The following CPAP variants were observed in gnomAD, a reference collection of about 807,000 sequenced individuals.
CPAP encodes centrosome assembly and centriole elongation protein, also known as centrosomal P4.1-associated protein.
the CPAP span, among the ~76,000 whole-genome samples, chr13:24,890,878 C>G: frequency 6.6e-6 from 1 of 152,156 alleles, no homozygotes; most frequent in Non-Finnish European, 1.5e-5. Context: ...TATGGTGCTT[C>G]TGCAATTCTT....
chr13:24,923,735 C>T, the CPAP span, among the ~76,000 whole-genome samples: 3 of 152,188 alleles, frequency 2.0e-5, no homozygotes, highest in African/African-American at 7.2e-5. Context: ...AAATTTGGTC[C>T]TCCAAAATTT....
At chr13:24,909,768 G>A in the CPAP span, 36 of 1,599,974 alleles carry the variant, frequency 2.3e-5, no homozygotes, top group African/African-American at 3.3e-4. Flanking sequence ...AAGCACAGAA[G>A]AGAGAAACAT....
the CPAP span, among the ~76,000 whole-genome samples, chr13:24,911,740 T>G: frequency 1.3e-5 from 2 of 151,636 alleles, no homozygotes; most frequent in East Asian, 3.9e-4. Context: ...CATCAATGCC[T>G]TAAAGCAGGG....
chr13:24,899,411 T>C, the CPAP span: 6 of 1,605,074 alleles, frequency 3.7e-6, no homozygotes, highest in African/African-American at 6.7e-5. Flanking sequence ...CATAAAGAAC[T>C]AGCATACCTG....
the CPAP span, among the ~76,000 whole-genome samples, chr13:24,910,263 G>A: frequency 6.6e-5 from 10 of 152,134 alleles, no homozygotes; most frequent in Admixed American, 3.9e-4. Context: ...TCGCTCTGTC[G>A]CCAAGGCTGA....
At chr13:24,909,852 T>C in the CPAP span, 19 of 1,613,948 alleles carry the variant, frequency 1.2e-5, no homozygotes, top group Admixed American at 3.3e-5. Flanking sequence ...TTCTTGATAC[T>C]GTGCCTCAGA....
chr13:24,889,733 T>G, the CPAP span, among the ~76,000 whole-genome samples: 1 of 152,100 alleles, frequency 6.6e-6, no homozygotes, highest in African/African-American at 2.4e-5. Context: ...AAGCCTCTCC[T>G]GGGTGCTCCC....
the CPAP span, chr13:24,906,747 G>A: frequency 3.7e-6 from 6 of 1,614,020 alleles, no homozygotes; most frequent in South Asian, 5.5e-5. Context: ...TCTGCACACA[G>A]CTCTTTATTT....
chr13:24,902,058 A>G, the CPAP span, among the ~76,000 whole-genome samples: 1 of 152,174 alleles, frequency 6.6e-6, no homozygotes, highest in African/African-American at 2.4e-5. Flanking sequence ...GCTCTACTGA[A>G]CCACACTGCC....
At chr13:24,883,364 C>T in the CPAP span, 4 of 1,597,296 alleles carry the variant, frequency 2.5e-6, no homozygotes, top group Non-Finnish European at 3.4e-6. Context: ...GAGTTTGTTG[C>T]CATCACTGTA....
At chr13:24,899,448 GA>G in the CPAP span, 1 of 1,613,574 alleles carries the variant, frequency 6.2e-7, no homozygotes. Context: ...TTTTTATCTG[GA>G]AAAGTTCTTG....
At chr13:24,920,166 T>C in the CPAP span, among the ~76,000 whole-genome samples, 4 of 152,230 alleles carry the variant, frequency 2.6e-5, no homozygotes, top group Non-Finnish European at 4.4e-5. Context: ...GCTGTTTCCC[T>C]CGCTGATTCA....
the CPAP span, chr13:24,903,896 T>A: frequency 1.9e-6 from 3 of 1,611,322 alleles, no homozygotes; most frequent in South Asian, 3.3e-5. Context: ...TCACTGCATA[T>A]TTTTTCCCAA....
the CPAP span, among the ~76,000 whole-genome samples, chr13:24,919,750 A>G: frequency 6.6e-6 from 1 of 150,622 alleles, no homozygotes; most frequent in Non-Finnish European, 1.5e-5. Flanking sequence ...TTTTAGCTAG[A>G]TATGAAAACA....
chr13:24,891,262 C>T, the CPAP span, among the ~76,000 whole-genome samples: 1 of 152,110 alleles, frequency 6.6e-6, no homozygotes, highest in Admixed American at 6.5e-5. Context: ...TCTCTAGCTG[C>T]TCATCTGCTC....
the CPAP span, chr13:24,904,125 T>G: frequency 9.1e-6 from 14 of 1,540,148 alleles, no homozygotes; most frequent in Non-Finnish European, 1.2e-5. Flanking sequence ...ACTAGCTAGC[T>G]AGTAACACTA....
At chr13:24,905,891 G>A in the CPAP span, 3 of 1,613,902 alleles carry the variant, frequency 1.9e-6, no homozygotes, top group Non-Finnish European at 8.5e-7. Context: ...CTCAGTCGAT[G>A]GTTTTATGGT....
At chr13:24,931,553 A>G in the CPAP span, among the ~76,000 whole-genome samples, 3 of 151,914 alleles carry the variant, frequency 2.0e-5, no homozygotes, top group Non-Finnish European at 2.9e-5. Flanking sequence ...TCTCTACTCT[A>G]TCCTTTCTAT....
At chr13:24,898,373 A>C in the CPAP span, among the ~76,000 whole-genome samples, 1 of 152,164 alleles carries the variant, frequency 6.6e-6, no homozygotes, top group South Asian at 2.1e-4. Flanking sequence ...ATGGGAATTC[A>C]TTCTGTTCTT....
Sources: allele counts gnomAD v4.1 joint callset (sites outside exome capture counted in the v4.1 genomes callset), GRCh38; gene constraint gnomAD v4.1.1; transcripts MANE v1.5; gene names NCBI Gene and HGNC (gene_info 2026-07-23, HGNC 2026-07-21).